The following AHCYL2 variants were observed in gnomAD, a reference collection of about 807,000 sequenced individuals.
AHCYL2 encodes the protein S-adenosylhomocysteine hydrolase-like protein 2.
In AHCYL2, 28 loss-of-function variants were observed where a neutral mutation model predicts 81.4. The observed-to-expected ratio is 0.34, with a 90% confidence interval of 0.25 to 0.47. The LOEUF (loss-of-function observed/expected upper bound fraction) is 0.47. Ranked by LOEUF, AHCYL2 falls within the 20% of genes least tolerant of loss-of-function variation. AHCYL2 has a pLI of 1.00. For synonymous variants in AHCYL2, 272 were observed against 290.2 expected (o/e 0.94, Z 0.64); for missense variants, 551 against 785.1 (o/e 0.70, Z 3.56).
chr7:129,347,407 T>A (rs1240800685), intron 1 of AHCYL2, among the ~76,000 whole-genome samples: 1 of 152,188 alleles, frequency 6.6e-6, no homozygotes, highest in Non-Finnish European at 1.5e-5. Context: ...ATGGGAACTC[T>A]CTTTCTCCTC....
intron 1 of AHCYL2, among the ~76,000 whole-genome samples, chr7:129,334,258 C>T (rs1364420455): frequency 6.6e-6 from 1 of 152,166 alleles, no homozygotes; most frequent in Non-Finnish European, 1.5e-5. Context: ...CTAATCTGGG[C>T]TGTGGGAAGA....
intron 1 of AHCYL2, among the ~76,000 whole-genome samples, chr7:129,237,812 A>G (rs113591920): frequency 1.2e-4 from 19 of 152,134 alleles, no homozygotes; most frequent in Non-Finnish European, 2.1e-4. Context: ...TGCAACCTCC[A>G]TCTCCCGGGT....
intron 1 of AHCYL2, among the ~76,000 whole-genome samples, chr7:129,332,530 C>T (rs1024787864): frequency 1.3e-5 from 2 of 152,100 alleles, no homozygotes; most frequent in Admixed American, 6.6e-5. Context: ...GATCTGGGAC[C>T]GGGGCCACTG....
intron 12 of AHCYL2, among the ~76,000 whole-genome samples, chr7:129,416,661 G>A (rs772644749): frequency 1.7e-4 from 26 of 151,944 alleles, no homozygotes; most frequent in African/African-American, 4.1e-4. Flanking sequence ...ATAGCTGGGC[G>A]TGGTGGTGGG....
Position 129,426,981 on chromosome 7 carries a change from G to T in AHCYL2, c.1830-58G>T. The stretch of plus-strand genomic sequence containing the variant: ...TTACACCTTTAGGCAGGCTCTTCAT[G>T]TCCCAGCATCCCCATTAGCTGATAA... On this transcript the variant is annotated intron_variant, in intron 16 of 16. Transcript: ENST00000325006. The surrounding 1 kb of genome is among the most constrained non-coding windows in gnomAD (Gnocchi z 4.3). 6.4e-7 allele frequency: 1 copy of T among 1,572,850 alleles called. No homozygotes were observed. Among genetic ancestry groups the T allele is most frequent in the South Asian group, 1.1e-5 (1 of 89,602 alleles).
In AHCYL2 at chr7:129,357,825, T is replaced by C. The variant is rs561142011; in HGVS notation, c.364-21813T>C. Reference sequence around the variant, plus strand: ...GGCGGGCGCCTGTAGTCCCAGCTACTTGGGAGGCTGAGGCAGGAGAATAGC... The same window carrying C: ...GGCGGGCGCCTGTAGTCCCAGCTACCTGGGAGGCTGAGGCAGGAGAATAGC... On this transcript the variant is annotated intron_variant, in intron 1 of 16. Transcript: ENST00000325006. Among the ~76,000 whole-genome samples the C allele has an allele frequency of 6.6e-5, 10 of 151,344 alleles. No individual in the cohort carries two copies. The South Asian group carries it at 2.1e-3, about 32-fold the overall frequency.
intron 1 of AHCYL2, among the ~76,000 whole-genome samples, chr7:129,260,580 C>T (rs895674451): frequency 1.3e-5 from 2 of 152,152 alleles, no homozygotes; most frequent in Admixed American, 6.5e-5. Flanking sequence ...AATTATAATT[C>T]TCAGGGTGTT....
chr7:129,348,400 C>CA (rs984435645), intron 1 of AHCYL2, among the ~76,000 whole-genome samples: 11 of 150,068 alleles, frequency 7.3e-5, no homozygotes, highest in African/African-American at 2.4e-4. Context: ...ATAACCCCCC[C>CA]CCCACACACA....
intron 1 of AHCYL2, among the ~76,000 whole-genome samples, chr7:129,233,819 A>C (rs1794536790): frequency 6.6e-6 from 1 of 152,012 alleles, no homozygotes; most frequent in South Asian, 2.1e-4. Flanking sequence ...CTTCTTTTTT[A>C]ACCAGTCATA....
At chr7:129,239,973 T>C (rs549642163) in intron 1 of AHCYL2, among the ~76,000 whole-genome samples, 10 of 151,988 alleles carry the variant, frequency 6.6e-5, no homozygotes, top group African/African-American at 2.4e-4. Flanking sequence ...CCTGTAATCC[T>C]AGCACTTTAG....
intron 1 of AHCYL2, among the ~76,000 whole-genome samples, chr7:129,369,034 T>A (rs960939517): frequency 1.3e-5 from 2 of 152,196 alleles, no homozygotes; most frequent in Admixed American, 1.3e-4. Flanking sequence ...AACATTTCCC[T>A]ATTTCCCCCC....
In AHCYL2 at chr7:129,375,746, C is replaced by A. The variant is rs1794651215; in HGVS notation, c.364-3892C>A. On this transcript the variant is annotated intron_variant, in intron 1 of 16. Transcript: ENST00000325006. ...GGGATTCCAAGGAAGAGTAGTCCCC[C>A]ACTCCCCAGCCCAAAAAGCTGGCTG... is the stretch of plus-strand genomic sequence containing the variant. The A allele has an allele frequency of 6.1e-6, 9 of 1,485,882 alleles. No homozygotes were observed. In the East Asian group the frequency reaches 7.4e-5, roughly 12 times the overall value. The allele number at this position is 1,485,882 out of a possible 1,614,324, so 92.0% of individuals were successfully genotyped here.
Position 129,406,550 on chromosome 7 carries a change from A to C in AHCYL2, c.1295+84A>C. Reference sequence around the variant, plus strand: ...TGGTTGATGCCACACTTTATTTTAGAGGAGCCCAGATCCTCAGAGATGCTG... The same window carrying C: ...TGGTTGATGCCACACTTTATTTTAGCGGAGCCCAGATCCTCAGAGATGCTG... On this transcript the variant is annotated intron_variant, in intron 10 of 16. Transcript: ENST00000325006. This position sits in a 1 kb window ranked among gnomAD's most constrained non-coding sequence, Gnocchi z 4.3. 7.6e-7 allele frequency: 1 copy of C among 1,310,238 alleles called. No individual in the cohort carries two copies. Among genetic ancestry groups the C allele is most frequent in the Non-Finnish European group, 1.1e-6 (1 of 904,982 alleles). 81.2% of individuals were successfully genotyped at this position (1,310,238 alleles called of 1,614,324 possible).
Position 129,405,857 on chromosome 7 carries a change from G to A in AHCYL2, c.1164G>A (p.Met388Ile). ...ILDGLKRTTDMMFGGKQVVVC... is the reference protein window; with the variant it reads ...ILDGLKRTTDIMFGGKQVVVC... ...CTAGACTTAAAAGGACAACAGACAT[G>A]ATGTTTGGTGGAAAGCAAGTGGTAG... Residue 388 changes from methionine to isoleucine, a missense_variant, in exon 9 of 17, where the codon ATG (methionine) becomes ATA (isoleucine). Met to Ile is a conservative substitution (Grantham distance 10, BLOSUM62 1). This residue lies in a region of AHCYL2 where 316 missense variants were observed against 543.1 expected (regional missense o/e 0.58). Coordinates refer to ENST00000325006, the MANE Select transcript of AHCYL2 (RefSeq NM_015328.4). 1 of 1,613,568 alleles carries A rather than the reference G, an allele frequency of 6.2e-7. No homozygotes were observed. The highest frequency in any genetic ancestry group is 8.5e-7 in the Non-Finnish European group (1 of 1,179,758).
Position 129,240,543 on chromosome 7 carries a change from A to T in AHCYL2, c.363+15104A>T, listed in dbSNP as rs116315272. Among the ~76,000 whole-genome samples, 1,154 of 152,250 alleles carry T rather than the reference A, an allele frequency of 7.6e-3. 13 individuals are homozygous for T. The highest frequency in any genetic ancestry group is 0.026 in the African/African-American group (1,070 of 41,544). On this transcript the variant is annotated intron_variant, in intron 1 of 16. Coordinates refer to ENST00000325006, the MANE Select transcript of AHCYL2 (RefSeq NM_015328.4). ...TTGGGTCTGCAGAACAGTGAATGCT[A>T]CAAAGCCAGTTTGATTTGGATTCCT...
intron 1 of AHCYL2, among the ~76,000 whole-genome samples, chr7:129,333,330 A>T (rs867193010): frequency 6.0e-5 from 9 of 149,690 alleles, no homozygotes; most frequent in East Asian, 2.0e-4. Flanking sequence ...AAAAAAAAAA[A>T]TTTTTTTTTA....
intron 1 of AHCYL2, among the ~76,000 whole-genome samples, chr7:129,372,486 T>G (rs928590894): frequency 1.3e-5 from 2 of 152,212 alleles, no homozygotes; most frequent in African/African-American, 4.8e-5. Context: ...AGACCCAGTT[T>G]TCTTTAGACC....
chr7:129,365,790 AGG>A (rs1376333196), intron 1 of AHCYL2, among the ~76,000 whole-genome samples: 3 of 151,690 alleles, frequency 2.0e-5, no homozygotes, highest in Non-Finnish European at 2.9e-5. Context: ...CTGTGGGAAA[AGG>A]GGGAAATCAA....
intron 1 of AHCYL2, among the ~76,000 whole-genome samples, chr7:129,376,213 G>A (rs1469822209): frequency 1.3e-5 from 2 of 152,096 alleles, no homozygotes; most frequent in Non-Finnish European, 2.9e-5. Flanking sequence ...AATTGGGGTG[G>A]GCAGATTACA....
Sources: gnomAD v4.1 joint callset for allele counts (sites outside exome capture counted in the v4.1 genomes callset) on GRCh38, gnomAD v4.1.1 for gene constraint, gnomAD v4.1.1 regional missense constraint, Gnocchi (gnomAD v3.1) non-coding constraint, MANE v1.5 for transcripts, NCBI Gene and HGNC (gene_info 2026-07-23, HGNC 2026-07-21) for gene names.